The following KCNU1 variants were observed in gnomAD, a reference collection of about 807,000 sequenced individuals.
The protein encoded by KCNU1 is potassium channel subfamily U member 1.
A neutral mutation model predicts 126.8 loss-of-function variants in KCNU1; 93 were observed. The observed-to-expected ratio is 0.73, with a 90% CI of 0.62 to 0.87. The LOEUF (loss-of-function observed/expected upper bound fraction) is 0.87. Ranked by LOEUF, KCNU1 falls within the 40% of genes least tolerant of loss-of-function variation. KCNU1 has a pLI of 0.00. For missense variants in KCNU1, 1,330 were observed against 1,367.1 expected (o/e 0.97, Z 0.43); for synonymous variants, 523 against 494.2 (o/e 1.06, Z -0.77).
chr8:36,908,040 CTCAG>C (rs1807701467), intron 20 of KCNU1, among the ~76,000 whole-genome samples: 2 of 152,004 alleles, frequency 1.3e-5, no homozygotes, highest in Admixed American at 1.3e-4. Context: ...AAGTAATTTG[CTCAG>C]TCATATAGCT....
At chr8:36,855,913 A>ATGTAAACCACATTTT (rs1323542918) in intron 18 of KCNU1, among the ~76,000 whole-genome samples, 1 of 152,134 alleles carries the variant, frequency 6.6e-6, no homozygotes, top group African/African-American at 2.4e-5. Context: ...GCTGTTTCAC[A>ATGTAAACCACATTTT]TGTAAACCAC....
At chr8:36,861,692 T>G (rs1043485685) in intron 18 of KCNU1, among the ~76,000 whole-genome samples, 2 of 152,206 alleles carry the variant, frequency 1.3e-5, no homozygotes, top group Non-Finnish European at 2.9e-5. Flanking sequence ...TTTAGTAAAT[T>G]GGAGAAGATT....
chr8:36,859,745 G>A (rs1469871746), intron 18 of KCNU1, among the ~76,000 whole-genome samples: 1 of 152,096 alleles, frequency 6.6e-6, no homozygotes, highest in Non-Finnish European at 1.5e-5. Context: ...ATTCTGGATT[G>A]GCCATTTACT....
At chr8:36,916,492 A>G (rs1808116282) in intron 22 of KCNU1, among the ~76,000 whole-genome samples, 1 of 152,168 alleles carries the variant, frequency 6.6e-6, no homozygotes, top group South Asian at 2.1e-4. Context: ...GAAGAAAAGG[A>G]GGGAAAGAGG....
At chr8:36,860,445 T>A (rs181057490) in intron 18 of KCNU1, among the ~76,000 whole-genome samples, 1 of 152,296 alleles carries the variant, frequency 6.6e-6, no homozygotes, top group African/African-American at 2.4e-5. Flanking sequence ...GTAGGAGGAA[T>A]AATTGTCTTT....
At chr8:36,835,876 C>A (rs117446540) in intron 12 of KCNU1, among the ~76,000 whole-genome samples, 15 of 152,110 alleles carry the variant, frequency 9.9e-5, no homozygotes, top group Non-Finnish European at 1.9e-4. Flanking sequence ...GTAAATATGA[C>A]GTAGATCTTA....
Position 36,878,583 on chromosome 8 carries a change from G to A in KCNU1, c.2009+14062G>A, listed in dbSNP as rs117197418. Among the ~76,000 whole-genome samples the A allele has an allele frequency of 7.8e-4, 119 of 152,208 alleles. 2 individuals are homozygous for A. In the East Asian group the frequency reaches 0.021, roughly 27 times the overall value. On this transcript the variant is annotated intron_variant, in intron 19 of 26. Coordinates refer to ENST00000399881, the MANE Select transcript of KCNU1 (RefSeq NM_001031836.3). ...GCTTTCTGTGTTATATCAGGAAATGGAGACATTGGGAACAAACTTGACCAT... is the reference window on the plus strand; with the variant it reads ...GCTTTCTGTGTTATATCAGGAAATGAAGACATTGGGAACAAACTTGACCAT...
intron 22 of KCNU1, among the ~76,000 whole-genome samples, chr8:36,915,521 A>G (rs910329576): frequency 9.2e-5 from 14 of 152,254 alleles, no homozygotes; most frequent in Non-Finnish European, 1.9e-4. Flanking sequence ...GCTCTTTTAC[A>G]CATATTCATC....
At chr8:36,851,596 A>G (rs1182357474) in intron 18 of KCNU1, among the ~76,000 whole-genome samples, 1 of 152,186 alleles carries the variant, frequency 6.6e-6, no homozygotes, top group Non-Finnish European at 1.5e-5. Flanking sequence ...CGATGAACAT[A>G]TGATGTCTTC....
chr8:36,913,549 A>G (rs1807971242), intron 22 of KCNU1, among the ~76,000 whole-genome samples: 1 of 152,012 alleles, frequency 6.6e-6, no homozygotes. Flanking sequence ...GGACACACCT[A>G]ATGAAGGCAT....
Position 36,922,544 on chromosome 8 carries a change from T to C in KCNU1, c.2651T>C (p.Leu884Pro). The C allele has an allele frequency of 6.2e-7, 1 of 1,613,620 alleles. No homozygotes were observed. The highest frequency in any genetic ancestry group is 2.2e-5 in the East Asian group (1 of 44,822). ...CAGCTTGGTGGACTGGAAGGGTCCC[T>C]CCAAGAAACAAATCTGCATCTCAGC... is the stretch of plus-strand genomic sequence containing the variant. ...IEQLGGLEGS[L>P]QETNLHLSTA... Residue 884 changes from leucine (L) to proline (P), a missense_variant, in exon 24 of 27, where the codon CTC becomes CCC. Coordinates refer to ENST00000399881, the MANE Select transcript of KCNU1 (RefSeq NM_001031836.3).
intron 19 of KCNU1, among the ~76,000 whole-genome samples, chr8:36,887,593 G>A (rs890664651): frequency 6.6e-6 from 1 of 151,944 alleles, no homozygotes; most frequent in Non-Finnish European, 1.5e-5. Flanking sequence ...ATGGTTGATG[G>A]TCTTCTTATC....
intron 2 of KCNU1, among the ~76,000 whole-genome samples, chr8:36,802,312 C>G (rs1803342266): frequency 6.6e-6 from 1 of 152,078 alleles, no homozygotes; most frequent in Non-Finnish European, 1.5e-5. Context: ...TTCCTCTCAT[C>G]TCAAACTTAG....
intron 19 of KCNU1, among the ~76,000 whole-genome samples, chr8:36,881,553 G>A (rs1327490407): frequency 1.1e-4 from 16 of 151,984 alleles, no homozygotes; most frequent in Admixed American, 2.6e-4. Flanking sequence ...AGAGGAGGGG[G>A]AAACATGAAA....
chr8:36,833,472 C>T (rs1804629721), intron 10 of KCNU1, 82 bp from the exon 11 acceptor site: 1 of 759,276 alleles, frequency 1.3e-6, no homozygotes, highest in South Asian at 1.5e-5. Context: ...CTACTAAATG[C>T]ACCAAATTAG....
At chr8:36,851,466 A>G (rs1380801299) in intron 18 of KCNU1, among the ~76,000 whole-genome samples, 1 of 151,154 alleles carries the variant, frequency 6.6e-6, no homozygotes, top group Admixed American at 6.6e-5. Flanking sequence ...GTCTTCTGCC[A>G]TGATTGTTAG....
intron 2 of KCNU1, among the ~76,000 whole-genome samples, chr8:36,796,411 A>T (rs1166864722): frequency 6.6e-6 from 1 of 152,196 alleles, no homozygotes; most frequent in Non-Finnish European, 1.5e-5. Context: ...TGTTTTCCAT[A>T]TCCTTAATTA....
At chr8:36,887,650 T>G in intron 19 of KCNU1, among the ~76,000 whole-genome samples, 1 of 152,132 alleles carries the variant, frequency 6.6e-6, no homozygotes, top group East Asian at 1.9e-4. Context: ...AAGCTGTAGT[T>G]ATGGCTGGTA....
intron 19 of KCNU1, among the ~76,000 whole-genome samples, chr8:36,896,671 A>T (rs1268689930): frequency 6.6e-6 from 1 of 152,032 alleles, no homozygotes; most frequent in Non-Finnish European, 1.5e-5. Context: ...CTTTGAGGTG[A>T]TCAAATAGAA....
Sources: gnomAD v4.1 joint callset for allele counts (sites outside exome capture counted in the v4.1 genomes callset) on GRCh38, gnomAD v4.1.1 for gene constraint, MANE v1.5 for transcripts, NCBI Gene and HGNC (gene_info 2026-07-23, HGNC 2026-07-21) for gene names.